HK1: variants seen among roughly 807,000 people sequenced by gnomAD.
HK1 encodes hexokinase 1.
In HK1, 28 loss-of-function variants were observed where a neutral mutation model predicts 91.6. That is an observed-to-expected ratio of 0.31 (90% CI 0.23 to 0.42). HK1 has a LOEUF of 0.42. Among genes scored for constraint, HK1 ranks in the 10% least tolerant of loss-of-function variants. The pLI, the probability that HK1 is intolerant of heterozygous loss-of-function variation, is 1.00. For missense variants in HK1, 770 were observed against 1,219.8 expected (o/e 0.63, Z 5.49); for synonymous variants, 430 against 468.1 (o/e 0.92, Z 1.05).
At chr10:69,274,566 G>A (rs1844340805) in intron 1 of HK1, among the ~76,000 whole-genome samples, 2 of 151,200 alleles carry the variant, frequency 1.3e-5, no homozygotes, top group African/African-American at 4.9e-5. Context: ...CTCCAGCCTG[G>A]GTGACAGAGC....
intron 3 of HK1, among the ~76,000 whole-genome samples, chr10:69,293,447 T>C (rs1171793143): frequency 6.6e-6 from 1 of 152,248 alleles, no homozygotes; most frequent in East Asian, 1.9e-4. Context: ...CTCCAAGATA[T>C]GTATGCACTG....
intron 2 of HK1, among the ~76,000 whole-genome samples, chr10:69,348,280 AC>A (rs2132704197): frequency 6.6e-6 from 1 of 151,682 alleles, no homozygotes; most frequent in South Asian, 2.1e-4. Context: ...CAGTGTAGTC[AC>A]GGTTGTTTTG....
chr10:69,277,341 G>A (rs911227327), intron 1 of HK1, among the ~76,000 whole-genome samples: 3 of 152,164 alleles, frequency 2.0e-5, no homozygotes, highest in Admixed American at 6.5e-5. Flanking sequence ...GCTGAGGCAC[G>A]AGGATTGCTT....
intron 3 of HK1, chr10:69,288,875 C>T (rs905793980): frequency 1.5e-5 from 14 of 948,606 alleles, no homozygotes; most frequent in African/African-American, 1.3e-4. Flanking sequence ...TAACCTCTGC[C>T]TCCCGGGTTC....
intron 5 of HK1, among the ~76,000 whole-genome samples, chr10:69,307,195 C>G (rs565611901): frequency 1.2e-4 from 18 of 152,054 alleles, no homozygotes; most frequent in Non-Finnish European, 1.6e-4. Flanking sequence ...AAGGGCATAG[C>G]GAGACAGACC....
chr10:69,350,008 G>C (rs967820035), intron 2 of HK1, among the ~76,000 whole-genome samples: 22 of 152,136 alleles, frequency 1.4e-4, no homozygotes, highest in Admixed American at 6.5e-5. Flanking sequence ...TCATTCATAG[G>C]CCATCTCTCC....
intron 1 of HK1, among the ~76,000 whole-genome samples, chr10:69,276,114 A>T (rs1252619122): frequency 0.058 from 2,308 of 39,540 alleles, 146 homozygotes; most frequent in East Asian, 0.12. Flanking sequence ...AAAAAAAAAA[A>T]AAAAATACAT....
intron 1 of HK1, among the ~76,000 whole-genome samples, chr10:69,275,411 G>T (rs1352561904): frequency 6.6e-6 from 1 of 151,032 alleles, no homozygotes; most frequent in East Asian, 1.9e-4. Context: ...ACTTAAATTT[G>T]TACATTTGTA....
rs959063687 is a variant in HK1, at chr10:69,349,214, C to T, written c.226+5225C>T. 2.6e-5 allele frequency among the ~76,000 whole-genome samples: 4 copies of T among 152,212 alleles called. No homozygotes were observed. The East Asian group carries it at 5.8e-4, about 22-fold the overall frequency. ...GAAATAAAAATCTAGAACACTGAAT[C>T]GGTCTCTGGGTTTGCCACTCCCAAC... On this transcript the variant is annotated intron_variant, in intron 2 of 17. Transcript: ENST00000359426.
At chr10:69,318,611 G>T (rs1383080391), upstream of HK1, among the ~76,000 whole-genome samples, 1 of 152,284 alleles carries the variant, frequency 6.6e-6, no homozygotes, top group East Asian at 1.9e-4. Flanking sequence ...GGTCGGGGGG[G>T]ATTTCGCTGC....
At chr10:69,308,150 T>A (rs1195196745) in intron 5 of HK1, among the ~76,000 whole-genome samples, 1 of 152,140 alleles carries the variant, frequency 6.6e-6, no homozygotes, top group Non-Finnish European at 1.5e-5. Flanking sequence ...AAAATATATT[T>A]TCTTTTAGGA....
At chr10:69,310,454 C>T (rs1589463755) in intron 5 of HK1, among the ~76,000 whole-genome samples, 1 of 151,572 alleles carries the variant, frequency 6.6e-6, no homozygotes, top group South Asian at 2.1e-4. Context: ...CCTTTCTAAG[C>T]CATATAAAAA....
intron 2 of HK1, among the ~76,000 whole-genome samples, chr10:69,348,569 G>A (rs1328669749): frequency 6.6e-6 from 1 of 152,242 alleles, no homozygotes; most frequent in Non-Finnish European, 1.5e-5. Context: ...CCAGCACTTT[G>A]GGAGGCCGAG....
intron 15 of HK1, among the ~76,000 whole-genome samples, chr10:69,392,643 G>A (rs765498572): frequency 1.3e-5 from 2 of 152,176 alleles, no homozygotes; most frequent in East Asian, 1.9e-4. Flanking sequence ...GTGGCTGGGC[G>A]GCAGGTTGGT....
chr10:69,307,628 C>T (rs969732251), intron 5 of HK1, among the ~76,000 whole-genome samples: 4 of 152,142 alleles, frequency 2.6e-5, no homozygotes, highest in Non-Finnish European at 5.9e-5. Flanking sequence ...TTAATCACCC[C>T]GTGATTCAGT....
At chr10:69,278,874 C>T (rs1844596319) in intron 1 of HK1, 1 of 152,134 alleles carries the variant, frequency 6.6e-6, no homozygotes, top group Non-Finnish European at 1.5e-5. Flanking sequence ...GGCACATGAG[C>T]TTGCTCTCCA....
At chr10:69,348,861 C>T (rs924960694) in intron 2 of HK1, among the ~76,000 whole-genome samples, 3 of 152,084 alleles carry the variant, frequency 2.0e-5, no homozygotes, top group Non-Finnish European at 4.4e-5. Context: ...AGGCATTTCC[C>T]GCAGGCAGAG....
upstream of HK1, among the ~76,000 whole-genome samples, chr10:69,312,050 A>AT (rs1846400961): frequency 6.6e-6 from 1 of 152,172 alleles, no homozygotes; most frequent in Admixed American, 6.5e-5. Flanking sequence ...CTTCTGAGGA[A>AT]CTTTTACCTT....
At position 69,397,838 on chromosome 10, in the gene HK1, C is replaced by T. The variant is rs193204612; in HGVS notation, c.2376-757C>T. Among the ~76,000 whole-genome samples, 27 of 151,834 alleles carry T rather than the reference C, an allele frequency of 1.8e-4. No homozygotes were observed. The East Asian group carries it at 3.7e-3, about 21-fold the overall frequency. On this transcript the variant is annotated intron_variant, in intron 16 of 17. Coordinates refer to ENST00000359426, the MANE Select transcript of HK1 (RefSeq NM_000188.3). ...AGAAGTAGTTTATATGGCCAAAAAA[C>T]AAATGGAAAAAAAAGAGATCATCCT...
Sources: allele counts gnomAD v4.1 joint callset (sites outside exome capture counted in the v4.1 genomes callset), GRCh38; gene constraint gnomAD v4.1.1; transcripts MANE v1.5; gene names NCBI Gene and HGNC (gene_info 2026-07-23, HGNC 2026-07-21).